The following ZNF197 variants were observed in gnomAD, a reference collection of about 807,000 sequenced individuals.
The protein encoded by ZNF197 is VHL-associated KRAB-A domain-containing protein.
In ZNF197, 14 loss-of-function variants were observed where a neutral mutation model predicts 27.4. The ratio of observed to expected loss-of-function variants is 0.51; its 90% CI spans 0.34 to 0.80. The LOEUF is 0.80. Ranked by LOEUF, ZNF197 falls within the 30% of genes least tolerant of loss-of-function variation. The pLI, the probability that ZNF197 is intolerant of heterozygous loss-of-function variation, is 0.02. For synonymous variants in ZNF197, 415 were observed against 420.0 expected, an observed-to-expected ratio of 0.99 and a Z score of 0.15; for missense variants, 1,090 against 1,222.6, an observed-to-expected ratio of 0.89 and a Z score of 1.62.
intron 1 of ZNF197, among the ~76,000 whole-genome samples, chr3:44,626,904 TAAG>T (rs1325002694): frequency 6.6e-6 from 1 of 152,194 alleles, no homozygotes; most frequent in Non-Finnish European, 1.5e-5. Flanking sequence ...TTGTTGGTAA[TAAG>T]AAATGATTGA....
Position 44,646,552 on chromosome 3 carries a change from C to A in ZNF197, c.*2332C>A. 1.7e-6 allele frequency: 2 copies of A among 1,210,554 alleles called. No homozygotes were observed. The highest frequency in any genetic ancestry group is 2.5e-6 in the Non-Finnish European group (2 of 811,830). 75.0% of individuals were successfully genotyped at this position (1,210,554 alleles called of 1,614,324 possible). On this transcript the variant is annotated 3_prime_UTR_variant, in exon 6 of 6. Transcript: ENST00000344387. ...AGACACCACGAGAAACAGACACATC[C>A]AGAACGTGGAATATTGCATAAGAAA...
At chr3:44,629,603 C>T in intron 2 of ZNF197, 59 bp downstream of exon 2, 1 of 1,501,174 alleles carries the variant, frequency 6.7e-7, no homozygotes, top group Non-Finnish European at 8.9e-7. Context: ...AGAATTGAGG[C>T]TAGGCTAGAG....
At position 44,644,840 on chromosome 3, in the gene ZNF197, G is replaced by C. The variant is rs1458531203; in HGVS notation, c.*620G>C. ...TTCGAGACAAGCCTGGGTAACACGGGGAGACCCGTCTTTAGTAAATAAAAA... is the reference window on the plus strand; with the variant it reads ...TTCGAGACAAGCCTGGGTAACACGGCGAGACCCGTCTTTAGTAAATAAAAA... On this transcript the variant is annotated 3_prime_UTR_variant, in exon 6 of 6. Coordinates refer to ENST00000344387, the MANE Select transcript of ZNF197 (RefSeq NM_006991.5). 1.0e-6 allele frequency: 1 copy of C among 965,732 alleles called. No homozygotes were observed. Among genetic ancestry groups the C allele is most frequent in the Non-Finnish European group, 1.2e-6 (1 of 812,266 alleles). 59.8% of individuals were successfully genotyped at this position (965,732 alleles called of 1,614,324 possible).
chr3:44,642,887 G>C lies in ZNF197; in HGVS notation c.1757G>C (p.Arg586Thr), dbSNP rs1448501313. 1 of 1,614,176 alleles carries C rather than the reference G, an allele frequency of 6.2e-7. No homozygotes were observed. Among genetic ancestry groups the C allele is most frequent in the Non-Finnish European group, 8.5e-7 (1 of 1,180,028 alleles). The change falls in exon 6 of 6, where the codon AGA (arginine) becomes ACA (threonine). Residue 586 changes from arginine (R) to threonine (T), a missense_variant. Transcript: ENST00000344387. ...IRSKSLLLHQRVHTEKKTFGC... is the reference protein window; with the variant it reads ...IRSKSLLLHQTVHTEKKTFGC... Reference sequence around the variant, plus strand: ...AGCAAAAGCCTCCTCTTACATCAGAGAGTCCACACAGAAAAGAAAACCTTT... The same window carrying C: ...AGCAAAAGCCTCCTCTTACATCAGACAGTCCACACAGAAAAGAAAACCTTT...
Position 44,646,431 on chromosome 3 carries a change from G to A in ZNF197, c.*2211G>A. 2 of 1,612,122 alleles carry A rather than the reference G, an allele frequency of 1.2e-6. No individual in the cohort carries two copies. Among genetic ancestry groups the A allele is most frequent in the South Asian group, 2.2e-5 (2 of 90,624 alleles). On this transcript the variant is annotated 3_prime_UTR_variant, in exon 6 of 6. Transcript: ENST00000344387. ...CACATAATGTGCCACCTTCTGTGAT[G>A]TAATAAGCTGAAAAATGTTCAACCT...
At position 44,644,731 on chromosome 3, in the gene ZNF197, A is replaced by G. The variant is rs992168008; in HGVS notation, c.*511A>G. 1.5e-5 allele frequency: 15 copies of G among 985,778 alleles called. No homozygotes were observed. In the African/African-American group the frequency reaches 2.3e-4, roughly 15 times the overall value. 61.1% of individuals were successfully genotyped at this position (985,778 alleles called of 1,614,324 possible). ...GTAAATGAGAGCAACAATAAAAAGT[A>G]GACATGGGCTGGGTGCAGTGGCTCA... On this transcript the variant is annotated 3_prime_UTR_variant, in exon 6 of 6. Coordinates refer to ENST00000344387, the MANE Select transcript of ZNF197 (RefSeq NM_006991.5).
rs1213715132 is a variant in ZNF197, at chr3:44,644,691, T to C, written c.*471T>C. On this transcript the variant is annotated 3_prime_UTR_variant, in exon 6 of 6. Coordinates refer to ENST00000344387, the MANE Select transcript of ZNF197 (RefSeq NM_006991.5). ...CAAGTCTACAAAAACATAATCCAAA[T>C]CTAATAACATAGTTGTAAATGAGAG... 3 of 986,472 alleles carry C rather than the reference T, an allele frequency of 3.0e-6. No individual in the cohort carries two copies. Among genetic ancestry groups the C allele is most frequent in the Non-Finnish European group, 3.6e-6 (3 of 830,952 alleles). The allele number at this position is 986,472 out of a possible 1,614,324, so 61.1% of individuals were successfully genotyped here.
intron 5 of ZNF197, among the ~76,000 whole-genome samples, chr3:44,636,942 T>C (rs558726476): frequency 4.6e-5 from 7 of 152,312 alleles, no homozygotes; most frequent in African/African-American, 1.7e-4. Flanking sequence ...TTGATGTGCA[T>C]TTACCTGATG....
rs150444684 is a variant in ZNF197 at position 44,642,930 on chromosome 3, G to A, written c.1800G>A (p.Gly600=). ...EKKTFGCKKC[G]KIFSSKSNFI... is the part of the protein sequence containing the mutation. ...AAACCTTTGGTTGTAAAAAGTGTGG[G>A]AAGATTTTCAGTTCTAAGTCAAACT... is the stretch of plus-strand genomic sequence containing the variant. Residue 600 remains glycine, a synonymous_variant, in exon 6 of 6, where the codon GGG becomes GGA. Transcript: ENST00000344387. The A allele has an allele frequency of 2.5e-6, 4 of 1,613,904 alleles. No individual in the cohort carries two copies. The highest frequency in any genetic ancestry group is 1.3e-5 in the African/African-American group (1 of 74,900).
At position 44,644,314 on chromosome 3, in the gene ZNF197, C is replaced by T; in HGVS notation, c.*94C>T. ...TTCTAAGGAAAAAGTTTATTATTTA[C>T]TCTTTACTAGACAAATGAGTAGCAT... On this transcript the variant is annotated 3_prime_UTR_variant, in exon 6 of 6. Transcript: ENST00000344387. 1 of 1,472,698 alleles carries T rather than the reference C, an allele frequency of 6.8e-7. No individual in the cohort carries two copies. Among genetic ancestry groups the T allele is most frequent in the South Asian group, 1.5e-5 (1 of 67,996 alleles). 91.2% of individuals were successfully genotyped at this position (1,472,698 alleles called of 1,614,324 possible).
In ZNF197 at chr3:44,646,644, G is replaced by A; in HGVS notation, c.*2424G>A. 1 of 685,878 alleles carries A rather than the reference G, an allele frequency of 1.5e-6. No individual in the cohort carries two copies. 42.5% of individuals were successfully genotyped at this position (685,878 alleles called of 1,614,324 possible). On this transcript the variant is annotated 3_prime_UTR_variant, in exon 6 of 6. Transcript: ENST00000344387. ...GAGGGGAGTGAAAATTGTTCAAGCT[G>A]TCTTGAGTCTGCTGTGAGTTTATTA...
intron 4 of ZNF197, 65 bp downstream of exon 4, chr3:44,632,261 C>T: frequency 6.4e-7 from 1 of 1,574,506 alleles, no homozygotes; most frequent in Non-Finnish European, 8.7e-7. Context: ...TGCCCTCTCT[C>T]ATCCTTGTGC....
rs768709029 is a variant in ZNF197, at chr3:44,644,000, C to T, written c.2870C>T (p.Pro957Leu). 3.7e-6 allele frequency: 6 copies of T among 1,614,080 alleles called. No individual in the cohort carries two copies. Among genetic ancestry groups the T allele is most frequent in the African/African-American group, 1.3e-5 (1 of 75,016 alleles). Residue 957 changes from proline (P) to leucine (L), a missense_variant, in exon 6 of 6, where the codon CCC becomes CTC. Pro to Leu is a moderately conservative substitution (Grantham distance 98). Transcript: ENST00000344387. ...CAGAGAATTCACACAGGGGAGAAAC[C>T]CTATGGGTGTAATGATTGTAGTAAA... is the stretch of plus-strand genomic sequence containing the variant. ...GHQRIHTGEK[P>L]YGCNDCSKVF...
At chr3:44,634,488 C>T (rs1304706082) in intron 5 of ZNF197, among the ~76,000 whole-genome samples, 2 of 151,740 alleles carry the variant, frequency 1.3e-5, no homozygotes, top group African/African-American at 4.8e-5. Flanking sequence ...TTCCACTTGT[C>T]GGCCAGGCTG....
rs1378989660 is a variant in ZNF197 at position 44,647,475 on chromosome 3, T to TG, written c.*3256dup. On this transcript the variant is annotated 3_prime_UTR_variant, in exon 6 of 6. Coordinates refer to ENST00000344387, the MANE Select transcript of ZNF197 (RefSeq NM_006991.5). ...CATTTATCCCAGAGAAATGAAAACT[T>TG]GCGTTCACACAAAAACCTGTATACG... is the stretch of plus-strand genomic sequence containing the variant. 6.6e-6 allele frequency: 1 copy of TG among 152,212 alleles called. No individual in the cohort carries two copies. Among genetic ancestry groups the TG allele is most frequent in the Non-Finnish European group, 1.5e-5 (1 of 68,042 alleles). 9.4% of individuals were successfully genotyped at this position (152,212 alleles called of 1,614,324 possible).
At chr3:44,626,796 T>C (rs1405630894) in intron 1 of ZNF197, among the ~76,000 whole-genome samples, 1 of 152,148 alleles carries the variant, frequency 6.6e-6, no homozygotes, top group Non-Finnish European at 1.5e-5. Flanking sequence ...TATACATGTA[T>C]ATACCTTTTA....
chr3:44,633,933 T>G (rs1340987276), intron 5 of ZNF197, among the ~76,000 whole-genome samples: 1 of 152,170 alleles, frequency 6.6e-6, no homozygotes, highest in Non-Finnish European at 1.5e-5. Flanking sequence ...CTTTAATAAT[T>G]TAAACTGTAC....
Position 44,631,100 on chromosome 3 carries a change from G to A in ZNF197, c.429G>A (p.Lys143=). 6.2e-7 allele frequency: 1 copy of A among 1,614,148 alleles called. No individual in the cohort carries two copies. Among genetic ancestry groups the A allele is most frequent in the Non-Finnish European group, 8.5e-7 (1 of 1,180,030 alleles). ...VLVKDQDTLQ[K]VVSAPGTTLP... ...TCAAGGATCAGGACACTCTCCAGAA[G>A]GTGGTGAGTGCCCCAGGAACAACAC... Residue 143 remains lysine (K), a synonymous_variant, in exon 3 of 6, where the codon AAG becomes AAA. Coordinates refer to ENST00000344387, the MANE Select transcript of ZNF197 (RefSeq NM_006991.5).
chr3:44,641,849 T>G, intron 5 of ZNF197, 51 bp from the exon 6 acceptor site: 1 of 1,494,056 alleles, frequency 6.7e-7, no homozygotes, highest in Non-Finnish European at 8.9e-7. Flanking sequence ...GATCCTGTTC[T>G]TCCAAACACA....
Sources: gnomAD v4.1 joint callset for allele counts (sites outside exome capture counted in the v4.1 genomes callset) on GRCh38, gnomAD v4.1.1 for gene constraint, MANE v1.5 for transcripts, NCBI Gene and HGNC (gene_info 2026-07-23, HGNC 2026-07-21) for gene names.